MAST4: variants seen among roughly 807,000 people sequenced by gnomAD.
The protein encoded by MAST4 is microtubule-associated serine/threonine-protein kinase 4.
Under a neutral mutation model 162.7 loss-of-function variants are expected in MAST4, and 89 were observed. The ratio of observed to expected loss-of-function variants is 0.55; its 90% CI spans 0.46 to 0.65. MAST4 has a LOEUF of 0.65. Among genes scored for constraint, MAST4 ranks in the 30% least tolerant of loss-of-function variants. The pLI, the probability that MAST4 is intolerant of heterozygous loss-of-function variation, is 0.00. For missense variants in MAST4, 3,153 were observed against 3,374.0 expected (o/e 0.93, Z 1.62); for synonymous variants, 1,479 against 1,361.1 (o/e 1.09, Z -1.91).
At chr5:66,757,893 T>C (rs1241023705) in intron 1 of MAST4, among the ~76,000 whole-genome samples, 1 of 152,194 alleles carries the variant, frequency 6.6e-6, no homozygotes, top group Non-Finnish European at 1.5e-5. Flanking sequence ...CTACATTCTT[T>C]AATGATCTGA....
intron 1 of MAST4, among the ~76,000 whole-genome samples, chr5:66,683,591 T>C (rs1748461139): frequency 6.6e-6 from 1 of 152,140 alleles, no homozygotes; most frequent in South Asian, 2.1e-4. Flanking sequence ...AAGGTAACTC[T>C]ATTGTCATGC....
chr5:66,926,296 C>T (rs1764885498), intron 4 of MAST4, among the ~76,000 whole-genome samples: 1 of 152,054 alleles, frequency 6.6e-6, no homozygotes, highest in Non-Finnish European at 1.5e-5. Context: ...GCCTGTAATC[C>T]CAGCACTTTG....
At position 67,102,562 on chromosome 5, in the gene MAST4, A is replaced by C; in HGVS notation, c.1097A>C (p.Asp366Ala). 1 of 1,613,974 alleles carries C rather than the reference A, an allele frequency of 6.2e-7. No individual in the cohort carries two copies. Among genetic ancestry groups the C allele is most frequent in the Non-Finnish European group, 8.5e-7 (1 of 1,179,852 alleles). Reference sequence around the variant, plus strand: ...CCTGGACGTTCTCCCGCCTGCTGTGACCATGAAATAATTATGATGAACCAT... The same window carrying C: ...CCTGGACGTTCTCCCGCCTGCTGTGCCCATGAAATAATTATGATGAACCAT... ...LSPGRSPACC[D>A]HEIIMMNHVY... Residue 366 changes from aspartate (D) to alanine (A), a missense_variant, in exon 9 of 29, where the codon GAC becomes GCC. By Grantham distance (126) the Asp-to-Ala change is moderately radical (BLOSUM62 -2). This residue lies in a region of MAST4 where 360 missense variants were observed against 450.0 expected (regional missense o/e 0.80). Transcript: ENST00000403625.
intron 15 of MAST4, 95 bp from the exon 16 acceptor site, chr5:67,131,718 T>G (rs1171243851): frequency 8.0e-7 from 1 of 1,251,216 alleles, no homozygotes; most frequent in African/African-American, 1.5e-5. Flanking sequence ...TGTCTATGGG[T>G]AGAGATGATT....
chr5:66,999,462 A>G (rs1751036439), intron 4 of MAST4, among the ~76,000 whole-genome samples: 1 of 152,166 alleles, frequency 6.6e-6, no homozygotes, highest in Admixed American at 6.5e-5. Context: ...GTCTTCTCTT[A>G]TATTTTGTTA....
chr5:66,954,942 T>C (rs1001176705), intron 4 of MAST4, among the ~76,000 whole-genome samples: 1 of 151,212 alleles, frequency 6.6e-6, no homozygotes, highest in Non-Finnish European at 1.5e-5. Context: ...GGCTTATGCC[T>C]GTAATCCTAG....
intron 3 of MAST4, among the ~76,000 whole-genome samples, chr5:66,874,611 C>A (rs1014818962): frequency 6.6e-6 from 1 of 152,178 alleles, no homozygotes; most frequent in Non-Finnish European, 1.5e-5. Context: ...AAAAAACAAA[C>A]CAAACTACCC....
intron 3 of MAST4, among the ~76,000 whole-genome samples, chr5:66,872,230 C>T (rs1425618728): frequency 2.0e-5 from 3 of 152,144 alleles, no homozygotes; most frequent in Admixed American, 6.5e-5. Context: ...AGTGCAGTGG[C>T]GTGATCTCGG....
chr5:66,713,746 C>T (rs1000336217), intron 1 of MAST4, among the ~76,000 whole-genome samples: 2 of 152,044 alleles, frequency 1.3e-5, no homozygotes, highest in African/African-American at 2.4e-5. Flanking sequence ...TATCTCTTTC[C>T]GCAATGGCTG....
Position 66,772,218 on chromosome 5 carries a change from G to T in MAST4, c.517+12356G>T, listed in dbSNP as rs143291571. Among the ~76,000 whole-genome samples, 429 of 152,206 alleles carry T rather than the reference G, an allele frequency of 2.8e-3. 1 individual carries two copies. Among genetic ancestry groups the T allele is most frequent in the Middle Eastern group, 0.02 (6 of 294 alleles). ...GGTAGGGAAAGGTAAGAAGATGGTGGGTGGTACCATTTCACACAACACTGG... is the reference window on the plus strand; with the variant it reads ...GGTAGGGAAAGGTAAGAAGATGGTGTGTGGTACCATTTCACACAACACTGG... On this transcript the variant is annotated intron_variant, in intron 2 of 28. Transcript: ENST00000403625.
chr5:66,986,237 C>T (rs1232958780), intron 4 of MAST4, among the ~76,000 whole-genome samples: 1 of 151,928 alleles, frequency 6.6e-6, no homozygotes, highest in Non-Finnish European at 1.5e-5. Flanking sequence ...CAGGGCAGGT[C>T]CCTGGGGAGC....
In MAST4 at chr5:67,014,925, T is replaced by C. The variant is rs1259576341; in HGVS notation, c.675-39479T>C. Among the ~76,000 whole-genome samples the C allele has an allele frequency of 2.6e-5, 4 of 152,350 alleles. No homozygotes were observed. The East Asian group carries it at 7.7e-4, about 29-fold the overall frequency. On this transcript the variant is annotated intron_variant, in intron 4 of 28. Coordinates refer to ENST00000403625, the MANE Select transcript of MAST4 (RefSeq NM_001164664.2). ...TTAACCTTACAATTAGTCTACCTTC[T>C]CACATCAGATCTAGGGTGATTTAGA...
chr5:66,977,862 C>G (rs1449378753), intron 4 of MAST4, among the ~76,000 whole-genome samples: 1 of 152,196 alleles, frequency 6.6e-6, no homozygotes, highest in Admixed American at 6.5e-5. Flanking sequence ...CCAGTGGCAT[C>G]TTAGAAAATA....
chr5:66,689,569 C>T lies in MAST4; in HGVS notation c.364-70140C>T, dbSNP rs557928020. 2.2e-3 allele frequency among the ~76,000 whole-genome samples: 337 copies of T among 152,242 alleles called. 3 individuals carry two copies. The highest frequency in any genetic ancestry group is 4.3e-3 in the Non-Finnish European group (294 of 68,008). On this transcript the variant is annotated intron_variant, in intron 1 of 28. Coordinates refer to ENST00000403625, the MANE Select transcript of MAST4 (RefSeq NM_001164664.2). ...TCCCTGTTAAACTTCAGCCCAGTGC[C>T]TTATTGTTTATTTGACCTACCTTGA...
rs1229734920 is a variant in MAST4 at position 67,149,527 on chromosome 5, A to G, written c.3233A>G (p.Lys1078Arg). 1 of 1,613,764 alleles carries G rather than the reference A, an allele frequency of 6.2e-7. No individual in the cohort carries two copies. The highest frequency in any genetic ancestry group is 1.3e-5 in the African/African-American group (1 of 74,922). Residue 1078 changes from lysine to arginine, a missense_variant, in exon 24 of 29, where the codon AAA becomes AGA. This residue lies in a region of MAST4 where 619 missense variants were observed against 744.2 expected (regional missense o/e 0.83). Coordinates refer to ENST00000403625, the MANE Select transcript of MAST4 (RefSeq NM_001164664.2). ...CGATTAGAAAGCACAGAAAAAAAGA[A>G]AATCTCGGGGAAAGTCACAAAGTCC... ...RQRLESTEKKKISGKVTKSLS... is the reference protein window; with the variant it reads ...RQRLESTEKKRISGKVTKSLS...
chr5:66,666,603 A>G (rs1386728674), intron 1 of MAST4, among the ~76,000 whole-genome samples: 1 of 152,224 alleles, frequency 6.6e-6, no homozygotes, highest in Non-Finnish European at 1.5e-5. Context: ...AATTGGCTGG[A>G]GTGTCTCATC....
intron 4 of MAST4, among the ~76,000 whole-genome samples, chr5:66,989,020 C>A (rs1740860328): frequency 1.3e-5 from 2 of 152,080 alleles, no homozygotes; most frequent in South Asian, 4.2e-4. Context: ...TATTTTAGAT[C>A]TTTGTACTTC....
chr5:66,982,612 G>A (rs2150244710), intron 4 of MAST4, among the ~76,000 whole-genome samples: 1 of 152,322 alleles, frequency 6.6e-6, no homozygotes, highest in East Asian at 1.9e-4. Flanking sequence ...CCTTGAGAAT[G>A]TCATATTGCA....
At chr5:66,737,238 C>G (rs964350903) in intron 1 of MAST4, among the ~76,000 whole-genome samples, 2 of 152,116 alleles carry the variant, frequency 1.3e-5, no homozygotes, top group Non-Finnish European at 2.9e-5. Flanking sequence ...CAAGACAGTT[C>G]CTTTATGTTG....
Sources: allele counts gnomAD v4.1 joint callset (sites outside exome capture counted in the v4.1 genomes callset), GRCh38; gene constraint gnomAD v4.1.1; regional missense constraint gnomAD v4.1.1; transcripts MANE v1.5; gene names NCBI Gene and HGNC (gene_info 2026-07-23, HGNC 2026-07-21).